The following PTPRK variants were observed in gnomAD, a reference collection of about 807,000 sequenced individuals.
PTPRK encodes protein tyrosine phosphatase receptor type K.
In PTPRK, 75 loss-of-function variants were observed where a neutral mutation model predicts 178.0. The observed-to-expected ratio is 0.42, with a 90% CI of 0.35 to 0.51. The LOEUF (loss-of-function observed/expected upper bound fraction) is 0.51. Among genes scored for constraint, PTPRK ranks in the 20% least tolerant of loss-of-function variants. The pLI, the probability that PTPRK is intolerant of heterozygous loss-of-function variation, is 0.02. For synonymous variants in PTPRK, 637 were observed against 620.6 expected (o/e 1.03, Z -0.39); for missense variants, 1,441 against 1,797.8 (o/e 0.80, Z 3.59).
chr6:128,059,429 T>C (rs1045815635), intron 13 of PTPRK, among the ~76,000 whole-genome samples: 4 of 152,190 alleles, frequency 2.6e-5, no homozygotes, highest in Non-Finnish European at 4.4e-5. Context: ...TACTGTTTTG[T>C]TGCTGCTACA....
At chr6:127,994,887 G>A (rs1776968697) in intron 18 of PTPRK, among the ~76,000 whole-genome samples, 1 of 151,858 alleles carries the variant, frequency 6.6e-6, no homozygotes, top group Non-Finnish European at 1.5e-5. Flanking sequence ...GAAGTCAAAT[G>A]TAAAAAGTAA....
intron 22 of PTPRK, 139 bp from the exon 23 acceptor site, chr6:127,983,516 G>A (rs1484313310): frequency 2.4e-6 from 2 of 823,348 alleles, no homozygotes; most frequent in Non-Finnish European, 3.6e-6. Context: ...TCCCTGCTGT[G>A]TAAAAGCTTA....
Position 128,089,811 on chromosome 6 carries a change from T to C in PTPRK, c.1344A>G (p.Lys448=). The change falls in exon 8 of 30, where the codon AAA becomes AAG. Residue 448 remains lysine, a synonymous_variant. Transcript: ENST00000368226. The part of the protein sequence containing the change: ...SKADCLDMDP[K]APQHVVNHLP... Reference sequence around the variant, plus strand: ...GATGGTTCACAACATGCTGAGGGGCTTTGGGGTCCATGTCCAAACAGTCTG... The same window carrying C: ...GATGGTTCACAACATGCTGAGGGGCCTTGGGGTCCATGTCCAAACAGTCTG... 1 of 1,614,030 alleles carries C rather than the reference T, an allele frequency of 6.2e-7. No homozygotes were observed. The highest frequency in any genetic ancestry group is 8.5e-7 in the Non-Finnish European group (1 of 1,179,892).
chr6:128,090,101 A>C (rs905471163), intron 7 of PTPRK, 109 bp from the exon 8 acceptor site: 35 of 880,594 alleles, frequency 4.0e-5, no homozygotes, highest in Non-Finnish European at 5.4e-5. Context: ...AAAATGTGGA[A>C]GTCATGTTTT....
intron 1 of PTPRK, among the ~76,000 whole-genome samples, chr6:128,447,680 A>G (rs1054749451): frequency 6.6e-6 from 1 of 151,240 alleles, no homozygotes; most frequent in Non-Finnish European, 1.5e-5. Flanking sequence ...GCTGGAGTGC[A>G]ATGGCACGAT....
intron 7 of PTPRK, among the ~76,000 whole-genome samples, chr6:128,131,403 G>A (rs1248255114): frequency 1.3e-5 from 2 of 152,146 alleles, no homozygotes; most frequent in Non-Finnish European, 1.5e-5. Context: ...TCGGATGAAC[G>A]ACCACTATGA....
At chr6:128,110,086 G>T (rs1790395125) in intron 7 of PTPRK, among the ~76,000 whole-genome samples, 1 of 151,930 alleles carries the variant, frequency 6.6e-6, no homozygotes, top group Non-Finnish European at 1.5e-5. Context: ...ATTTTTTGGG[G>T]CTACTTATTT....
At chr6:128,038,654 T>C (rs1341598656) in intron 13 of PTPRK, among the ~76,000 whole-genome samples, 1 of 152,158 alleles carries the variant, frequency 6.6e-6, no homozygotes, top group African/African-American at 2.4e-5. Flanking sequence ...ACTATGCACT[T>C]AAAGACATTC....
At chr6:128,404,502 G>A (rs1183208950) in intron 1 of PTPRK, among the ~76,000 whole-genome samples, 1 of 152,162 alleles carries the variant, frequency 6.6e-6, no homozygotes, top group Non-Finnish European at 1.5e-5. Context: ...AAAGGAAAAA[G>A]GTCATCAGTT....
At chr6:128,341,684 TA>T (rs1831681443) in intron 2 of PTPRK, among the ~76,000 whole-genome samples, 1 of 152,172 alleles carries the variant, frequency 6.6e-6, no homozygotes, top group South Asian at 2.1e-4. Context: ...TTCCTGCCAT[TA>T]AAAAAGTAAA....
chr6:128,179,885 A>G (rs549550055), intron 7 of PTPRK, among the ~76,000 whole-genome samples: 10 of 152,036 alleles, frequency 6.6e-5, no homozygotes, highest in East Asian at 3.9e-4. Flanking sequence ...TTGGGACAAG[A>G]AAAAAAATGC....
chr6:128,240,005 T>C, intron 5 of PTPRK, 30 bp downstream of exon 5: 1 of 1,519,694 alleles, frequency 6.6e-7, no homozygotes, highest in Non-Finnish European at 9.1e-7. Flanking sequence ...TAAAGTATAC[T>C]CTTTAGCTCA....
At chr6:128,412,841 C>A (rs1199459738) in intron 1 of PTPRK, among the ~76,000 whole-genome samples, 1 of 152,146 alleles carries the variant, frequency 6.6e-6, no homozygotes, top group Non-Finnish European at 1.5e-5. Flanking sequence ...CTCTTGCACT[C>A]CTTTCTCCCT....
intron 2 of PTPRK, among the ~76,000 whole-genome samples, chr6:128,396,795 C>T (rs543004327): frequency 3.3e-5 from 5 of 152,098 alleles, no homozygotes; most frequent in South Asian, 2.1e-4. Flanking sequence ...GTCAGGAGTT[C>T]GAGACCAGCC....
chr6:128,078,900 T>G lies in PTPRK; in HGVS notation c.1796A>C (p.Tyr599Ser), dbSNP rs1482980901. 1 of 1,610,986 alleles carries G rather than the reference T, an allele frequency of 6.2e-7. No individual in the cohort carries two copies. The highest frequency in any genetic ancestry group is 1.3e-5 in the African/African-American group (1 of 74,774). Residue 599 changes from tyrosine to serine, a missense_variant, in exon 11 of 30, where the codon TAT becomes TCT. By Grantham distance (144) the Tyr-to-Ser change is moderately radical (BLOSUM62 -2). Coordinates refer to ENST00000368226, the MANE Select transcript of PTPRK (RefSeq NM_002844.4). ...TNISAPTLPD[Y>S]EGVDASLNET... ...ATTGAGAGAGGCATCAACTCCTTCATAGTCAGGTAAAGTTGGAGCTGATGA... is the reference window on the plus strand; with the variant it reads ...ATTGAGAGAGGCATCAACTCCTTCAGAGTCAGGTAAAGTTGGAGCTGATGA...
intron 3 of PTPRK, among the ~76,000 whole-genome samples, chr6:128,247,621 G>A (rs897513596): frequency 6.6e-6 from 1 of 152,218 alleles, no homozygotes; most frequent in South Asian, 2.1e-4. Flanking sequence ...ACCTGGCCTA[G>A]TTCGTACCCT....
At chr6:128,156,462 C>T (rs920183588) in intron 7 of PTPRK, among the ~76,000 whole-genome samples, 1 of 151,718 alleles carries the variant, frequency 6.6e-6, no homozygotes, top group African/African-American at 2.4e-5. Context: ...GAAGTAAGCA[C>T]ATTTAACCAT....
chr6:128,134,361 T>A (rs1203516784), intron 7 of PTPRK, among the ~76,000 whole-genome samples: 1 of 152,198 alleles, frequency 6.6e-6, no homozygotes, highest in Non-Finnish European at 1.5e-5. Flanking sequence ...CTACTCTGCC[T>A]TGTGATAACT....
intron 3 of PTPRK, among the ~76,000 whole-genome samples, chr6:128,294,215 T>A (rs1435210542): frequency 6.6e-6 from 1 of 152,106 alleles, no homozygotes; most frequent in Admixed American, 6.6e-5. Flanking sequence ...AAGAAATCAA[T>A]GTTTGCTGTG....
Sources: gnomAD v4.1 joint callset for allele counts (sites outside exome capture counted in the v4.1 genomes callset) on GRCh38, gnomAD v4.1.1 for gene constraint, MANE v1.5 for transcripts, NCBI Gene and HGNC (gene_info 2026-07-23, HGNC 2026-07-21) for gene names.